NXPE2: variants seen among roughly 807,000 people sequenced by gnomAD.
The protein encoded by NXPE2 is NXPE family member 2.
A neutral mutation model predicts 34.4 loss-of-function variants in NXPE2; 34 were observed. The observed-to-expected ratio is 0.99, with a 90% CI of 0.75 to 1.31. The LOEUF is 1.31. NXPE2 is among the 40% of genes most tolerant of loss of function. NXPE2 has a pLI of 0.00. For synonymous variants in NXPE2, 235 were observed against 231.3 expected (o/e 1.02, Z -0.15); for missense variants, 649 against 672.5 (o/e 0.97, Z 0.39).
chr11:114,572,823 G>T, the NXPE2 span, among the ~76,000 whole-genome samples: 1 of 152,170 alleles, frequency 6.6e-6, no homozygotes, highest in Non-Finnish European at 1.5e-5. Context: ...CCCTGGCCTT[G>T]CTAGAGATCT....
chr11:114,526,209 A>G, the NXPE2 span, among the ~76,000 whole-genome samples: 327 of 152,332 alleles, frequency 2.1e-3, no homozygotes, highest in African/African-American at 7.3e-3. Flanking sequence ...AGGAAGGAAC[A>G]TGCTCCTGCT....
the NXPE2 span, among the ~76,000 whole-genome samples, chr11:114,793,841 A>G: frequency 2.0e-5 from 3 of 152,174 alleles, no homozygotes; most frequent in African/African-American, 4.8e-5. Context: ...CCTTTCATAT[A>G]TCTCACCTTC....
chr11:114,759,209 A>T, the NXPE2 span, among the ~76,000 whole-genome samples: 2 of 152,088 alleles, frequency 1.3e-5, no homozygotes, highest in African/African-American at 4.8e-5. Context: ...GGCTGTTGCC[A>T]CTCCAGCCAG....
the NXPE2 span, among the ~76,000 whole-genome samples, chr11:114,595,066 A>T: frequency 1.3e-5 from 2 of 152,144 alleles, no homozygotes; most frequent in East Asian, 3.9e-4. Flanking sequence ...GTCTAGATGA[A>T]GTCTCCAGAC....
the NXPE2 span, among the ~76,000 whole-genome samples, chr11:114,538,649 C>T: frequency 1.3e-5 from 2 of 152,116 alleles, no homozygotes; most frequent in African/African-American, 4.8e-5. Context: ...CAATAGAAGA[C>T]ATTTATTTAT....
At chr11:114,601,378 T>G in the NXPE2 span, among the ~76,000 whole-genome samples, 1 of 144,944 alleles carries the variant, frequency 6.9e-6, no homozygotes, top group Non-Finnish European at 1.5e-5. Flanking sequence ...TCACTTAGGA[T>G]AATACCCTCC....
chr11:114,775,048 A>C, the NXPE2 span, among the ~76,000 whole-genome samples: 1 of 152,250 alleles, frequency 6.6e-6, no homozygotes, highest in Non-Finnish European at 1.5e-5. Context: ...TATGACAGAC[A>C]TCTCTGGCTT....
At chr11:114,549,467 A>C in the NXPE2 span, among the ~76,000 whole-genome samples, 1 of 152,186 alleles carries the variant, frequency 6.6e-6, no homozygotes, top group East Asian at 1.9e-4. Context: ...AATTCTTCAC[A>C]TTAATACAGC....
At position 114,695,663 on chromosome 11, in the gene NXPE2, C is replaced by T. The variant is rs535403167; in HGVS notation, c.133-2382C>T. Among the ~76,000 whole-genome samples, 10 of 152,238 alleles carry T rather than the reference C, an allele frequency of 6.6e-5. No homozygotes were observed. The South Asian group carries it at 2.1e-3, about 32-fold the overall frequency. On this transcript the variant is annotated intron_variant, in intron 2 of 5. Transcript: ENST00000389586. ...ACACTAAATATAAATAGTCCAAACACATCAGTGAAACAACAGCGACTGTCA... is the reference window on the plus strand; with the variant it reads ...ACACTAAATATAAATAGTCCAAACATATCAGTGAAACAACAGCGACTGTCA...
At chr11:114,789,462 A>T in the NXPE2 span, among the ~76,000 whole-genome samples, 1 of 152,234 alleles carries the variant, frequency 6.6e-6, no homozygotes, top group Non-Finnish European at 1.5e-5. Flanking sequence ...CACTACCCTT[A>T]CAGAGGAAAG....
At chr11:114,761,307 C>T in the NXPE2 span, among the ~76,000 whole-genome samples, 1 of 152,172 alleles carries the variant, frequency 6.6e-6, no homozygotes, top group African/African-American at 2.4e-5. Flanking sequence ...GTACGTTCAG[C>T]TATGAACTGA....
chr11:114,767,823 A>G, the NXPE2 span, among the ~76,000 whole-genome samples: 3 of 152,144 alleles, frequency 2.0e-5, no homozygotes, highest in Non-Finnish European at 2.9e-5. Flanking sequence ...TGTCCTCAAA[A>G]GCACACATTC....
the NXPE2 span, among the ~76,000 whole-genome samples, chr11:114,640,151 A>G: frequency 3.7e-5 from 3 of 80,126 alleles, no homozygotes; most frequent in Admixed American, 3.0e-4. Context: ...AATATATGAT[A>G]TATTAATAAT....
the NXPE2 span, among the ~76,000 whole-genome samples, chr11:114,499,954 C>CT: frequency 0.043 from 6,123 of 143,786 alleles, 154 homozygotes; most frequent in Middle Eastern, 0.089. Context: ...GCAGTTCATT[C>CT]TTTTTTTTTT....
At chr11:114,640,272 T>C in the NXPE2 span, among the ~76,000 whole-genome samples, 12 of 143,802 alleles carry the variant, frequency 8.3e-5, no homozygotes, top group Non-Finnish European at 1.5e-4. Context: ...GTATATAATA[T>C]ATAATACATT....
the NXPE2 span, among the ~76,000 whole-genome samples, chr11:114,532,875 G>T: frequency 2.0e-5 from 3 of 152,078 alleles, no homozygotes; most frequent in African/African-American, 4.8e-5. Flanking sequence ...TATATTAATG[G>T]ATTAAAGATA....
At chr11:114,528,193 T>C in the NXPE2 span, among the ~76,000 whole-genome samples, 1 of 152,206 alleles carries the variant, frequency 6.6e-6, no homozygotes, top group Non-Finnish European at 1.5e-5. Context: ...AGTTCTCTTC[T>C]CTCTTTCTGC....
chr11:114,713,375 G>C, the NXPE2 span, among the ~76,000 whole-genome samples: 1 of 152,138 alleles, frequency 6.6e-6, no homozygotes, highest in African/African-American at 2.4e-5. Flanking sequence ...AAACTTAAAT[G>C]TGGAAATCAA....
chr11:114,639,734 TA>T, the NXPE2 span, among the ~76,000 whole-genome samples: 1 of 100,376 alleles, frequency 1.0e-5, no homozygotes, highest in Non-Finnish European at 2.1e-5. Flanking sequence ...TAATATAATA[TA>T]AAATAATATA....
Sources: gnomAD v4.1 joint callset for allele counts (sites outside exome capture counted in the v4.1 genomes callset) on GRCh38, gnomAD v4.1.1 for gene constraint, MANE v1.5 for transcripts, NCBI Gene and HGNC (gene_info 2026-07-23, HGNC 2026-07-21) for gene names.